Variants in PCNX1 observed in about 807,000 individuals in gnomAD.
PCNX1 encodes pecanex 1.
A neutral mutation model predicts 242.2 loss-of-function variants in PCNX1; 78 were observed. That is an observed-to-expected ratio of 0.32 (90% confidence interval 0.27 to 0.39). The LOEUF is 0.39. PCNX1 is among the 10% of genes least tolerant of loss of function. The pLI, the probability that PCNX1 is intolerant of heterozygous loss-of-function variation, is 1.00. For missense variants in PCNX1, 2,581 were observed against 2,856.5 expected, an observed-to-expected ratio of 0.90 and a Z score of 2.20; for synonymous variants, 1,024 against 1,032.9, an observed-to-expected ratio of 0.99 and a Z score of 0.17.
chr14:70,964,435 C>T (rs1481713614), intron 3 of PCNX1, among the ~76,000 whole-genome samples: 1 of 152,072 alleles, frequency 6.6e-6, no homozygotes, highest in Non-Finnish European at 1.5e-5. Flanking sequence ...ATCCTTGATC[C>T]TGTTTTTTTG....
rs145883239 is a variant in PCNX1, at chr14:70,960,396, G to A, written c.363-1830G>A. Among the ~76,000 whole-genome samples the A allele has an allele frequency of 5.3e-3, 801 of 152,070 alleles. 4 individuals carry two copies. Among genetic ancestry groups the A allele is most frequent in the Non-Finnish European group, 8.9e-3 (606 of 67,994 alleles). ...GTTTAAGTCTTTAATCCATCTTCAC[G>A]TGATTATCTCAAGATGCAGAAAAGG... On this transcript the variant is annotated intron_variant, in intron 2 of 35. Transcript: ENST00000304743.
At chr14:70,940,916 C>T (rs956076210) in intron 1 of PCNX1, among the ~76,000 whole-genome samples, 5 of 152,160 alleles carry the variant, frequency 3.3e-5, no homozygotes, top group East Asian at 1.9e-4. Context: ...TTGATCGAAT[C>T]GGCTACTGAA....
Position 71,047,116 on chromosome 14 carries a change from T to C in PCNX1, c.4160+11T>C, listed in dbSNP as rs201825049. ...GAAACTGAATACAGAGTAAGTATAG[T>C]AGTCTTCTAATATTGTCTGACTACT... On this transcript the variant is annotated intron_variant, in intron 21 of 35. Transcript: ENST00000304743. The C allele has an allele frequency of 1.7e-4, 262 of 1,531,514 alleles. 1 individual carries two copies. The Middle Eastern group carries it at 8.2e-3, about 48-fold the overall frequency. 94.9% of individuals were successfully genotyped at this position (1,531,514 alleles called of 1,614,324 possible).
intron 32 of PCNX1, 139 bp from the exon 33 acceptor site, chr14:71,105,096 C>G (rs1046412869): frequency 1.5e-6 from 1 of 653,702 alleles, no homozygotes; most frequent in East Asian, 2.8e-5. Flanking sequence ...TTTTTTGTTC[C>G]TAATATTGAT....
At chr14:71,102,713 G>T (rs2062496239) in intron 31 of PCNX1, among the ~76,000 whole-genome samples, 1 of 151,806 alleles carries the variant, frequency 6.6e-6, no homozygotes, top group Non-Finnish European at 1.5e-5. Flanking sequence ...AGTTTCTCAT[G>T]TGCCATAAAG....
chr14:71,082,372 G>C (rs910263037), intron 28 of PCNX1, among the ~76,000 whole-genome samples: 1 of 152,116 alleles, frequency 6.6e-6, no homozygotes, highest in East Asian at 1.9e-4. Flanking sequence ...CATCTATTAG[G>C]TCTGCTTGGT....
chr14:71,072,037 G>C (rs566968009), intron 26 of PCNX1, among the ~76,000 whole-genome samples: 1 of 152,208 alleles, frequency 6.6e-6, no homozygotes, highest in Non-Finnish European at 1.5e-5. Context: ...AAAGTACTTA[G>C]AACACTAACA....
intron 11 of PCNX1, among the ~76,000 whole-genome samples, chr14:71,016,612 T>G (rs1013991034): frequency 2.0e-5 from 3 of 152,138 alleles, no homozygotes; most frequent in Admixed American, 6.5e-5. Context: ...ATTTGGAAAC[T>G]AAACACTTCT....
intron 30 of PCNX1, among the ~76,000 whole-genome samples, chr14:71,095,126 T>C (rs1033607864): frequency 6.6e-6 from 1 of 152,240 alleles, no homozygotes; most frequent in Non-Finnish European, 1.5e-5. Context: ...TTGTCCTCTA[T>C]TTAATTGCTT....
In PCNX1 at chr14:71,110,478, TAAAA is replaced by T. The variant is rs369652360; in HGVS notation, c.*548_*551del. ...ATTCCTTGAGCGCTAAAAACTTTAA[TAAAA>T]AAAACTGCACTAATTTTTTACAGCA... On this transcript the variant is annotated 3_prime_UTR_variant, in exon 36 of 36. Coordinates refer to ENST00000304743, the MANE Select transcript of PCNX1 (RefSeq NM_014982.3). The T allele has an allele frequency of 6.5e-6, 1 of 152,778 alleles. No homozygotes were observed. The highest frequency in any genetic ancestry group is 1.5e-5 in the Non-Finnish European group (1 of 68,288). 9.5% of individuals were successfully genotyped at this position (152,778 alleles called of 1,614,324 possible).
At chr14:71,053,337 A>G (rs1280838787) in intron 24 of PCNX1, 1 of 448,684 alleles carries the variant, frequency 2.2e-6, no homozygotes, top group Middle Eastern at 7.2e-4. Flanking sequence ...CAATGACACA[A>G]TCTCGACTCA....
intron 26 of PCNX1, among the ~76,000 whole-genome samples, chr14:71,070,974 T>C (rs952300310): frequency 2.6e-5 from 4 of 152,236 alleles, no homozygotes; most frequent in Non-Finnish European, 5.9e-5. Context: ...TCAGTGATCT[T>C]AGCTAGATCT....
At chr14:71,060,096 A>G (rs1487439937) in intron 26 of PCNX1, among the ~76,000 whole-genome samples, 1 of 152,192 alleles carries the variant, frequency 6.6e-6, no homozygotes, top group African/African-American at 2.4e-5. Context: ...ATTCTTACAC[A>G]GTCATGGACT....
At chr14:70,953,927 C>G (rs1193045875) in intron 2 of PCNX1, among the ~76,000 whole-genome samples, 3 of 152,096 alleles carry the variant, frequency 2.0e-5, no homozygotes, top group Non-Finnish European at 4.4e-5. Flanking sequence ...CTCAGCCTCC[C>G]AAAGTGCTGG....
At chr14:70,983,673 T>C (rs966688403) in intron 6 of PCNX1, among the ~76,000 whole-genome samples, 21 of 151,570 alleles carry the variant, frequency 1.4e-4, no homozygotes, top group African/African-American at 5.1e-4. Context: ...TCCTTTAAAA[T>C]GTTTTCACAG....
intron 3 of PCNX1, 27 bp downstream of exon 3, chr14:70,962,358 C>G: frequency 7.9e-7 from 1 of 1,268,598 alleles, no homozygotes; most frequent in Non-Finnish European, 1.2e-6. Flanking sequence ...TTTTATTTTG[C>G]CTTTTTCCCT....
Position 70,995,870 on chromosome 14 carries a change from AGCATCACATGACAAT to A in PCNX1, c.2580_2594del (p.His861_Ser865del), listed in dbSNP as rs1566675310. The A allele has an allele frequency of 4.3e-6, 7 of 1,613,956 alleles. No individual in the cohort carries two copies. In the Admixed American group the frequency reaches 1.2e-4, roughly 27 times the overall value. On this transcript the variant is annotated inframe_deletion, in exon 8 of 36. Coordinates refer to ENST00000304743, the MANE Select transcript of PCNX1 (RefSeq NM_014982.3). ...TGAGAAATGGGAGTGTCCACTTAGA[AGCATCACATGACAAT>A]GCATCTGCTGTAGGCGGTAGCAGTT...
intron 1 of PCNX1, among the ~76,000 whole-genome samples, chr14:70,929,699 A>G (rs979511074): frequency 6.6e-6 from 1 of 152,232 alleles, no homozygotes; most frequent in African/African-American, 2.4e-5. Context: ...AATTCCTAGG[A>G]ACAGCATCAT....
chr14:71,010,491 G>A (rs1412338277), intron 9 of PCNX1, among the ~76,000 whole-genome samples: 1 of 151,804 alleles, frequency 6.6e-6, no homozygotes, highest in African/African-American at 2.4e-5. Context: ...TGTCTCATAC[G>A]TTACCTTTAG....
Sources: allele counts gnomAD v4.1 joint callset (sites outside exome capture counted in the v4.1 genomes callset), GRCh38; gene constraint gnomAD v4.1.1; transcripts MANE v1.5; gene names NCBI Gene and HGNC (gene_info 2026-07-23, HGNC 2026-07-21).